Variants in TMEFF2 observed in about 807,000 individuals in gnomAD.
TMEFF2 encodes the protein tomoregulin-2.
Under a neutral mutation model 53.8 loss-of-function variants are expected in TMEFF2, and 28 were observed. That is an observed-to-expected ratio of 0.52 (90% CI 0.39 to 0.71). The LOEUF is 0.71. TMEFF2 is among the 30% of genes least tolerant of loss of function. The pLI is 0.00. For missense variants in TMEFF2, 353 were observed against 455.2 expected (o/e 0.78, Z 2.04); for synonymous variants, 162 against 166.3 (o/e 0.97, Z 0.20).
intron 4 of TMEFF2, among the ~76,000 whole-genome samples, chr2:192,153,799 A>ATGAAAG (rs1690443852): frequency 6.6e-6 from 1 of 151,956 alleles, no homozygotes; most frequent in Admixed American, 6.6e-5. Flanking sequence ...TCGAATAGGG[A>ATGAAAG]TGAAAGTGCT....
intron 4 of TMEFF2, among the ~76,000 whole-genome samples, chr2:192,060,906 G>T (rs1688028852): frequency 6.6e-6 from 1 of 152,114 alleles, no homozygotes; most frequent in Non-Finnish European, 1.5e-5. Context: ...GGAAATTTGA[G>T]GGGTGAGGGA....
chr2:192,157,521 C>T (rs554728995), intron 4 of TMEFF2, among the ~76,000 whole-genome samples: 1 of 152,074 alleles, frequency 6.6e-6, no homozygotes, highest in Non-Finnish European at 1.5e-5. Flanking sequence ...AAGTGTAACA[C>T]TTATTTGGAT....
chr2:192,036,393 A>T (rs1047868728), intron 5 of TMEFF2: 1 of 152,142 alleles, frequency 6.6e-6, no homozygotes, highest in African/African-American at 2.4e-5. Context: ...TTTTGTTTCT[A>T]TTTAACTAAT....
At chr2:192,138,327 C>T (rs766718992) in intron 4 of TMEFF2, among the ~76,000 whole-genome samples, 14 of 152,146 alleles carry the variant, frequency 9.2e-5, no homozygotes, top group Non-Finnish European at 1.9e-4. Flanking sequence ...TCTGAGCCAA[C>T]GTAAGTGGCT....
chr2:192,174,700 G>A (rs191565936), intron 4 of TMEFF2, among the ~76,000 whole-genome samples: 5 of 151,664 alleles, frequency 3.3e-5, no homozygotes, highest in East Asian at 1.9e-4. Context: ...AATTTCAGAC[G>A]TGTCATGCTT....
intron 5 of TMEFF2, among the ~76,000 whole-genome samples, chr2:192,041,836 T>C (rs553588994): frequency 6.6e-5 from 10 of 152,204 alleles, no homozygotes; most frequent in African/African-American, 2.4e-4. Context: ...GTAAAACATA[T>C]AACGTTTTAT....
intron 5 of TMEFF2, among the ~76,000 whole-genome samples, chr2:192,052,186 G>A (rs547418320): frequency 2.0e-5 from 3 of 152,294 alleles, no homozygotes; most frequent in South Asian, 4.1e-4. Context: ...AATAATTTAA[G>A]TTGTCCCTTT....
chr2:192,135,719 T>A (rs1689987097), intron 4 of TMEFF2, among the ~76,000 whole-genome samples: 1 of 152,136 alleles, frequency 6.6e-6, no homozygotes, highest in African/African-American at 2.4e-5. Flanking sequence ...GCATCCCCTG[T>A]GACTTGCACA....
chr2:191,979,857 G>A (rs112591787), intron 7 of TMEFF2, among the ~76,000 whole-genome samples: 1 of 150,616 alleles, frequency 6.6e-6, no homozygotes. Context: ...TCTATCTATC[G>A]ATCTATCTAT....
chr2:191,976,215 C>A (rs1685722683), intron 7 of TMEFF2, among the ~76,000 whole-genome samples: 1 of 152,140 alleles, frequency 6.6e-6, no homozygotes, highest in Admixed American at 6.5e-5. Context: ...TCAAATACTC[C>A]TCTGTAGATA....
chr2:192,110,923 AGGGGAAGCCCTT>A (rs1689259932), intron 4 of TMEFF2, among the ~76,000 whole-genome samples: 1 of 152,134 alleles, frequency 6.6e-6, no homozygotes, highest in Non-Finnish European at 1.5e-5. Flanking sequence ...TGGTTTTATA[AGGGGAAGCCCTT>A]TTTTGCTTTG....
intron 4 of TMEFF2, among the ~76,000 whole-genome samples, chr2:192,123,290 A>T: frequency 6.6e-6 from 1 of 152,136 alleles, no homozygotes; most frequent in East Asian, 1.9e-4. Context: ...TTCTGATATG[A>T]TGTGCTAATT....
intron 5 of TMEFF2, among the ~76,000 whole-genome samples, chr2:192,055,760 G>A (rs1204796565): frequency 1.7e-5 from 2 of 118,190 alleles, no homozygotes; most frequent in African/African-American, 6.8e-5. Flanking sequence ...GGGCGACAGA[G>A]TGAGACTCCA....
At chr2:191,991,844 A>G (rs1272578010) in intron 7 of TMEFF2, among the ~76,000 whole-genome samples, 1 of 152,134 alleles carries the variant, frequency 6.6e-6, no homozygotes, top group Non-Finnish European at 1.5e-5. Flanking sequence ...GAAAATCTTC[A>G]TCTGTATTGG....
chr2:192,188,437 C>T (rs148282275), intron 2 of TMEFF2, among the ~76,000 whole-genome samples: 3 of 152,286 alleles, frequency 2.0e-5, no homozygotes, highest in Non-Finnish European at 4.4e-5. Context: ...ACCCTCAGAT[C>T]GGTATAGCAC....
intron 4 of TMEFF2, among the ~76,000 whole-genome samples, chr2:192,165,425 C>A (rs1433935025): frequency 6.6e-6 from 1 of 152,118 alleles, no homozygotes; most frequent in Admixed American, 6.6e-5. Context: ...ATGCCTGACA[C>A]ATAGTACGTA....
chr2:192,102,873 A>G (rs1404692818), intron 4 of TMEFF2, among the ~76,000 whole-genome samples: 1 of 151,916 alleles, frequency 6.6e-6, no homozygotes, highest in African/African-American at 2.4e-5. Flanking sequence ...TCCTGGCCTC[A>G]ATAATGTCTT....
At chr2:192,159,626 T>C (rs1481266583) in intron 4 of TMEFF2, among the ~76,000 whole-genome samples, 1 of 152,188 alleles carries the variant, frequency 6.6e-6, no homozygotes, top group Non-Finnish European at 1.5e-5. Flanking sequence ...TAGTAGTCCC[T>C]TTGAGCAATG....
intron 5 of TMEFF2, among the ~76,000 whole-genome samples, chr2:192,025,869 G>A (rs1392815272): frequency 2.6e-5 from 4 of 152,098 alleles, no homozygotes; most frequent in African/African-American, 9.7e-5. Context: ...TGCTTTTGCC[G>A]CTTAATACAA....
Sources: gnomAD v4.1 joint callset for allele counts (sites outside exome capture counted in the v4.1 genomes callset) on GRCh38, gnomAD v4.1.1 for gene constraint, MANE v1.5 for transcripts, NCBI Gene and HGNC (gene_info 2026-07-23, HGNC 2026-07-21) for gene names.